The following TRIQK variants were observed in gnomAD, a reference collection of about 807,000 sequenced individuals.
TRIQK encodes triple QxxK/R motif-containing protein.
TRIQK carries 10 observed loss-of-function variants against 10.8 expected under a neutral mutation model. The observed-to-expected ratio is 0.92, with a 90% CI of 0.57 to 1.57. The LOEUF is 1.57. Ranked by LOEUF, TRIQK falls within the 40% of genes most tolerant of loss-of-function variation. The probability of loss-of-function intolerance (pLI) is 0.00; values close to 1 mark genes in which losing one functional copy is unlikely to be tolerated. For synonymous variants in TRIQK, 33 were observed against 33.7 expected (o/e 0.98, Z 0.07); for missense variants, 107 against 97.7 (o/e 1.09, Z -0.40).
At chr8:92,915,802 T>C (rs1193817187) in intron 3 of TRIQK, among the ~76,000 whole-genome samples, 2 of 152,024 alleles carry the variant, frequency 1.3e-5, no homozygotes, top group African/African-American at 4.8e-5. Flanking sequence ...GCCCGGCCTG[T>C]ACTATACAAA....
intron 1 of TRIQK, among the ~76,000 whole-genome samples, chr8:92,987,328 C>T (rs1813045132): frequency 6.6e-6 from 1 of 152,148 alleles, no homozygotes; most frequent in Non-Finnish European, 1.5e-5. Flanking sequence ...ATGTCAGAAG[C>T]TTTCTAGATT....
At chr8:92,961,627 C>T (rs1056422373) in intron 1 of TRIQK, among the ~76,000 whole-genome samples, 1 of 152,204 alleles carries the variant, frequency 6.6e-6, no homozygotes, top group African/African-American at 2.4e-5. Context: ...AGGTAATAAA[C>T]TATAATCCAC....
intron 1 of TRIQK, among the ~76,000 whole-genome samples, chr8:92,994,041 T>C (rs1813125517): frequency 6.6e-6 from 1 of 152,184 alleles, no homozygotes; most frequent in Non-Finnish European, 1.5e-5. Context: ...CTGTTTCTCC[T>C]TGTGTGGATG....
At chr8:92,983,017 A>C (rs149399349) in intron 1 of TRIQK, among the ~76,000 whole-genome samples, 2 of 152,072 alleles carry the variant, frequency 1.3e-5, no homozygotes, top group Admixed American at 1.3e-4. Flanking sequence ...AACAATATCC[A>C]GTTCATATGG....
At chr8:92,998,629 G>A (rs1226797680) in intron 1 of TRIQK, among the ~76,000 whole-genome samples, 1 of 151,972 alleles carries the variant, frequency 6.6e-6, no homozygotes, top group Non-Finnish European at 1.5e-5. Flanking sequence ...AATTACAGTA[G>A]CATTTTAGAA....
chr8:92,955,786 A>C (rs1812141036), intron 1 of TRIQK, among the ~76,000 whole-genome samples: 1 of 151,830 alleles, frequency 6.6e-6, no homozygotes, highest in Non-Finnish European at 1.5e-5. Flanking sequence ...TTTCCAGAGA[A>C]GACATACAAA....
chr8:92,887,531 A>G (rs1353788792), intron 4 of TRIQK, among the ~76,000 whole-genome samples: 1 of 151,414 alleles, frequency 6.6e-6, no homozygotes, highest in Admixed American at 6.6e-5. Flanking sequence ...TACCTTCCAG[A>G]ACTTTCTTAA....
chr8:92,904,142 A>T (rs1473022781), intron 3 of TRIQK, among the ~76,000 whole-genome samples: 4 of 134,272 alleles, frequency 3.0e-5, no homozygotes, highest in Admixed American at 7.2e-5. Context: ...TAAGTTGATT[A>T]AAAAAAAATC....
At chr8:93,004,056 G>T (rs1048585209) in intron 1 of TRIQK, among the ~76,000 whole-genome samples, 6 of 152,190 alleles carry the variant, frequency 3.9e-5, no homozygotes, top group Non-Finnish European at 7.3e-5. Context: ...TTACCATTCT[G>T]CAGTCTGAAG....
In TRIQK at chr8:92,986,039, A is replaced by G. The variant is rs565331638; in HGVS notation, c.-180-31475T>C. Among the ~76,000 whole-genome samples, 15 of 152,292 alleles carry G rather than the reference A, an allele frequency of 9.8e-5. 1 individual carries two copies. The South Asian group carries it at 2.7e-3, about 27-fold the overall frequency. On this transcript the variant is annotated intron_variant, in intron 1 of 4. Coordinates refer to the TRIQK transcript ENST00000520686. ...TATATATTAATTACATGCAATGTCA[A>G]TTACCAGAAAGGTGTTTGTGGCCTT...
intron 1 of TRIQK, chr8:92,973,865 C>A (rs1812902151): frequency 6.6e-6 from 1 of 152,266 alleles, no homozygotes; most frequent in African/African-American, 2.4e-5. Flanking sequence ...GAGTCTGGGA[C>A]CCCTTATCTG....
At chr8:92,966,980 C>CAAAAAAAAA (rs10655820), upstream of TRIQK, among the ~76,000 whole-genome samples, 13 of 68,806 alleles carry the variant, frequency 1.9e-4, no homozygotes, top group African/African-American at 4.3e-4. Flanking sequence ...AAGTAGCATA[C>CAAAAAAAAA]AAAAAAAAAA....
intron 1 of TRIQK, among the ~76,000 whole-genome samples, chr8:93,001,665 T>G (rs1813212089): frequency 6.6e-6 from 1 of 152,178 alleles, no homozygotes; most frequent in Non-Finnish European, 1.5e-5. Flanking sequence ...TAAAGGGAGA[T>G]ATAGAGTGTA....
intron 2 of TRIQK, among the ~76,000 whole-genome samples, chr8:92,917,488 T>G (rs1001815279): frequency 1.3e-5 from 2 of 152,032 alleles, no homozygotes; most frequent in African/African-American, 4.8e-5. Flanking sequence ...GCAGATGAAT[T>G]TCAGTTCTAG....
intron 1 of TRIQK, among the ~76,000 whole-genome samples, chr8:92,959,123 T>G (rs1049565947): frequency 1.3e-5 from 2 of 152,118 alleles, no homozygotes; most frequent in African/African-American, 4.8e-5. Flanking sequence ...AATTTCCCCA[T>G]GTCCACATTA....
chr8:93,017,197 G>A (rs560934711), intron 1 of TRIQK, among the ~76,000 whole-genome samples: 10 of 145,468 alleles, frequency 6.9e-5, no homozygotes, highest in African/African-American at 2.5e-4. Context: ...ACCAATATCA[G>A]GAAGCTATTG....
chr8:93,016,331 G>T (rs1307461074), intron 1 of TRIQK, among the ~76,000 whole-genome samples: 1 of 151,938 alleles, frequency 6.6e-6, no homozygotes, highest in Non-Finnish European at 1.5e-5. Flanking sequence ...TTATCTTTAG[G>T]TTTTAAAATC....
chr8:92,917,326 T>C (rs917572282), intron 2 of TRIQK, among the ~76,000 whole-genome samples: 2 of 152,008 alleles, frequency 1.3e-5, no homozygotes, highest in Non-Finnish European at 2.9e-5. Flanking sequence ...CTTAGATAGG[T>C]TGGGGCTTTT....
At chr8:92,902,826 T>C (rs1461630658) in intron 3 of TRIQK, among the ~76,000 whole-genome samples, 1 of 152,058 alleles carries the variant, frequency 6.6e-6, no homozygotes, top group East Asian at 1.9e-4. Flanking sequence ...CCTTTGATTT[T>C]TGTTGCTCTT....
Sources: allele counts gnomAD v4.1 joint callset (sites outside exome capture counted in the v4.1 genomes callset), GRCh38; gene constraint gnomAD v4.1.1; transcripts MANE v1.5; gene names NCBI Gene and HGNC (gene_info 2026-07-23, HGNC 2026-07-21).